HECW1: variants seen among roughly 807,000 people sequenced by gnomAD.
HECW1 encodes the protein HECT, C2 and WW domain containing E3 ubiquitin protein ligase 1, also known as E3 ubiquitin-protein ligase HECW1.
A neutral mutation model predicts 182.3 loss-of-function variants in HECW1; 61 were observed. The ratio of observed to expected loss-of-function variants is 0.33; its 90% CI spans 0.27 to 0.41. The LOEUF is 0.41. Ranked by LOEUF, HECW1 falls within the 10% of genes least tolerant of loss-of-function variation. The probability of loss-of-function intolerance (pLI) is 1.00; values close to 1 mark genes in which losing one functional copy is unlikely to be tolerated. For missense variants in HECW1, 1,739 were observed against 2,108.9 expected, an observed-to-expected ratio of 0.82 and a Z score of 3.44; for synonymous variants, 859 against 832.6, an observed-to-expected ratio of 1.03 and a Z score of -0.55.
rs187020318 is a variant in HECW1 at position 43,522,767 on chromosome 7, C to T, written c.4019+13646C>T. Among the ~76,000 whole-genome samples, 174 of 152,306 alleles carry T rather than the reference C, an allele frequency of 1.1e-3. 1 individual carries two copies. The highest frequency in any genetic ancestry group is 3.4e-3 in the Middle Eastern group (1 of 294). Reference sequence around the variant, plus strand: ...GACTAGCCTGTGGCCAAACCCTGAACTCAGCCCACAAGAATGTGCACGGAG... The same window carrying T: ...GACTAGCCTGTGGCCAAACCCTGAATTCAGCCCACAAGAATGTGCACGGAG... On this transcript the variant is annotated intron_variant, in intron 24 of 29. Transcript: ENST00000395891.
chr7:43,281,749 A>G (rs1257782548), intron 3 of HECW1, among the ~76,000 whole-genome samples: 1 of 128,346 alleles, frequency 7.8e-6, no homozygotes, highest in Non-Finnish European at 1.6e-5. Context: ...TAGAGAGACA[A>G]GGTCTAACTA....
In HECW1 at chr7:43,444,326, C is replaced by T. The variant is rs778182501; in HGVS notation, c.1154C>T (p.Pro385Leu). Residue 385 changes from proline to leucine, a missense_variant, in exon 11 of 30, where the codon CCA becomes CTA. Pro to Leu is a moderately conservative substitution (Grantham distance 98). This residue lies in a region of HECW1 where 971 missense variants were observed against 1,029.1 expected (regional missense o/e 0.94). Coordinates refer to ENST00000395891, the MANE Select transcript of HECW1 (RefSeq NM_015052.5). This position sits in a 1 kb window ranked among gnomAD's most constrained non-coding sequence, Gnocchi z 4.3. ...SGSGEPRSEA[P>L]ESSESWKPEQ... is the part of the protein sequence containing the mutation. ...AGTGGGGAACCTCGGTCTGAGGCACCAGAGTCCTCTGAGAGCTGGAAGCCA... is the reference window on the plus strand; with the variant it reads ...AGTGGGGAACCTCGGTCTGAGGCACTAGAGTCCTCTGAGAGCTGGAAGCCA... 13 of 1,614,164 alleles carry T rather than the reference C, an allele frequency of 8.1e-6. No homozygotes were observed. The South Asian group carries it at 1.3e-4, about 16-fold the overall frequency.
At chr7:43,425,248 C>CAG in intron 8 of HECW1, among the ~76,000 whole-genome samples, 1 of 151,356 alleles carries the variant, frequency 6.6e-6, no homozygotes, top group African/African-American at 2.4e-5. Flanking sequence ...CACACACACA[C>CAG]GTGTACATAT....
chr7:43,141,611 G>A (rs931558804), intron 2 of HECW1, among the ~76,000 whole-genome samples: 1 of 151,950 alleles, frequency 6.6e-6, no homozygotes, highest in Admixed American at 6.5e-5. Context: ...CAGTTCTCCT[G>A]CCTCAAGCAT....
At chr7:43,123,543 T>C (rs910670766) in intron 2 of HECW1, among the ~76,000 whole-genome samples, 1 of 152,204 alleles carries the variant, frequency 6.6e-6, no homozygotes, top group African/African-American at 2.4e-5. Context: ...GCATATGGAC[T>C]TTAATGAAAA....
At chr7:43,203,107 G>C (rs933939239) in intron 2 of HECW1, among the ~76,000 whole-genome samples, 5 of 152,116 alleles carry the variant, frequency 3.3e-5, no homozygotes, top group African/African-American at 1.2e-4. Context: ...ACACTCAGGC[G>C]ATCTGCCTGC....
chr7:43,266,899 TGAG>T (rs1347947674), intron 3 of HECW1, among the ~76,000 whole-genome samples: 3 of 152,250 alleles, frequency 2.0e-5, no homozygotes, highest in African/African-American at 4.8e-5. Flanking sequence ...TAGTGAGATT[TGAG>T]GAGGAGAAGT....
intron 8 of HECW1, among the ~76,000 whole-genome samples, chr7:43,434,773 A>G (rs2076659249): frequency 6.6e-6 from 1 of 152,170 alleles, no homozygotes; most frequent in South Asian, 2.1e-4. Context: ...TTGTGGAGGG[A>G]GGAAAGAACC....
chr7:43,456,375 C>A lies in HECW1; in HGVS notation c.2579C>A (p.Pro860Gln). 1 of 1,614,048 alleles carries A rather than the reference C, an allele frequency of 6.2e-7. No individual in the cohort carries two copies. The highest frequency in any genetic ancestry group is 8.5e-7 in the Non-Finnish European group (1 of 1,179,964). ...AACCGCACAACCACCTGGCAGCGTC[C>A]GACGGCAGCAGCCACCCCGGATGGC... ...HVNRTTTWQRPTAAATPDGMR... is the reference protein window; with the variant it reads ...HVNRTTTWQRQTAAATPDGMR... Residue 860 changes from proline to glutamine, a missense_variant, in exon 13 of 30, where the codon CCG becomes CAG. Physicochemically the swap from Pro to Gln is moderately conservative, Grantham distance 76. Coordinates refer to ENST00000395891, the MANE Select transcript of HECW1 (RefSeq NM_015052.5).
intron 2 of HECW1, chr7:43,238,925 G>T (rs1439703981): frequency 2.0e-5 from 3 of 152,154 alleles, no homozygotes; most frequent in African/African-American, 7.2e-5. Flanking sequence ...CCAGGAAAAT[G>T]AATTCAGTGA....
At chr7:43,338,417 T>C (rs1812558382) in intron 5 of HECW1, among the ~76,000 whole-genome samples, 1 of 152,224 alleles carries the variant, frequency 6.6e-6, no homozygotes, top group African/African-American at 2.4e-5. Context: ...TGATCCTCTA[T>C]ATATGTTTGT....
At chr7:43,555,487 C>T (rs73693026) in intron 29 of HECW1, among the ~76,000 whole-genome samples, 3,083 of 152,276 alleles carry the variant, frequency 0.02, 110 homozygotes, top group African/African-American at 0.07. Flanking sequence ...TAGTGAGAAA[C>T]GCTGCTGCAA....
intron 2 of HECW1, among the ~76,000 whole-genome samples, chr7:43,199,014 AG>A (rs1333654721): frequency 6.6e-6 from 1 of 152,176 alleles, no homozygotes; most frequent in Non-Finnish European, 1.5e-5. Flanking sequence ...CCAGTTCCAA[AG>A]CCTGGTATGA....
intron 10 of HECW1, among the ~76,000 whole-genome samples, chr7:43,443,313 G>C (rs1227105141): frequency 1.3e-5 from 2 of 152,154 alleles, no homozygotes; most frequent in African/African-American, 2.4e-5. Context: ...TTAGAGCCTG[G>C]AGTTTTTCAC....
At chr7:43,159,039 C>G (rs1199724746) in intron 2 of HECW1, among the ~76,000 whole-genome samples, 1 of 152,170 alleles carries the variant, frequency 6.6e-6, no homozygotes, top group East Asian at 1.9e-4. Flanking sequence ...GCTGGAGCTG[C>G]TGGTCTAGGG....
In HECW1 at chr7:43,210,450, AGT is replaced by A. The variant is rs57987187; in HGVS notation, c.-31-33399_-31-33398del. On this transcript the variant is annotated intron_variant, in intron 2 of 29. Transcript: ENST00000395891. ...ACTCAAGAAGGATCAAGTAGAAGTG[AGT>A]GTGTGTGTGTGTGTGTGTGTGTGTG... 8.8e-3 allele frequency among the ~76,000 whole-genome samples: 1,278 copies of A among 145,440 alleles called. 25 individuals carry two copies. The East Asian group carries it at 0.093, about 11-fold the overall frequency.
At chr7:43,264,495 C>T (rs1036088370) in intron 3 of HECW1, among the ~76,000 whole-genome samples, 10 of 152,156 alleles carry the variant, frequency 6.6e-5, no homozygotes, top group Admixed American at 4.6e-4. Context: ...TAAATCTCTA[C>T]ATTTTGCTTT....
chr7:43,138,478 T>C (rs191436192), intron 2 of HECW1, among the ~76,000 whole-genome samples: 1 of 152,328 alleles, frequency 6.6e-6, no homozygotes, highest in African/African-American at 2.4e-5. Flanking sequence ...TGAGGGTCGC[T>C]TTGGGGGAGT....
chr7:43,410,265 C>T (rs73328068), intron 8 of HECW1, among the ~76,000 whole-genome samples: 2,525 of 152,242 alleles, frequency 0.017, 74 homozygotes, highest in African/African-American at 0.058. Flanking sequence ...GATGCTGGCA[C>T]GGTTGGGTTC....
Sources: gnomAD v4.1 joint callset for allele counts (sites outside exome capture counted in the v4.1 genomes callset) on GRCh38, gnomAD v4.1.1 for gene constraint, gnomAD v4.1.1 regional missense constraint, Gnocchi (gnomAD v3.1) non-coding constraint, MANE v1.5 for transcripts, NCBI Gene and HGNC (gene_info 2026-07-23, HGNC 2026-07-21) for gene names.